LNP1: variants seen among roughly 807,000 people sequenced by gnomAD.
LNP1 encodes the protein leukemia NUP98 fusion partner 1.
LNP1 carries 12 observed loss-of-function variants against 14.5 expected under a neutral mutation model. The ratio of observed to expected loss-of-function variants is 0.83; its 90% CI spans 0.53 to 1.34. The LOEUF (loss-of-function observed/expected upper bound fraction) is 1.34, where lower values mean the gene tolerates loss of function less well. LNP1 is among the 40% of genes most tolerant of loss of function. LNP1 has a pLI of 0.00. For missense variants in LNP1, 198 were observed against 210.9 expected (o/e 0.94, Z 0.38); for synonymous variants, 75 against 71.4 (o/e 1.05, Z -0.26).
intron 1 of LNP1, among the ~76,000 whole-genome samples, chr3:100,417,458 C>A (rs148434223): frequency 7.5e-6 from 1 of 133,374 alleles, no homozygotes; most frequent in African/African-American, 2.8e-5. Flanking sequence ...CTCACTGCAA[C>A]CTCCGCCTCC....
chr3:100,407,994 T>G (rs1706987552), intron 1 of LNP1, among the ~76,000 whole-genome samples: 1 of 152,258 alleles, frequency 6.6e-6, no homozygotes, highest in Admixed American at 6.5e-5. Context: ...TTCCTAATTT[T>G]GTTGACTTGT....
chr3:100,427,879 G>A (rs1334875271), intron 1 of LNP1, among the ~76,000 whole-genome samples: 1 of 152,184 alleles, frequency 6.6e-6, no homozygotes, highest in Non-Finnish European at 1.5e-5. Context: ...AAATAAAAAT[G>A]TTAGAAGATA....
At chr3:100,413,005 TG>T (rs1310015557) in intron 1 of LNP1, among the ~76,000 whole-genome samples, 1 of 152,240 alleles carries the variant, frequency 6.6e-6, no homozygotes, top group East Asian at 1.9e-4. Flanking sequence ...ATTAACAGTC[TG>T]GTACCACCAT....
In LNP1 at chr3:100,434,624, G is replaced by A. The variant is rs560128295; in HGVS notation, c.156+4739G>A. 3.3e-5 allele frequency among the ~76,000 whole-genome samples: 5 copies of A among 151,832 alleles called. No homozygotes were observed. In the South Asian group the frequency reaches 8.3e-4, roughly 25 times the overall value. On this transcript the variant is annotated intron_variant, in intron 2 of 3. Coordinates refer to ENST00000383693, the MANE Select transcript of LNP1 (RefSeq NM_001085451.2). The stretch of plus-strand genomic sequence containing the variant: ...GCTCACTACAACCTCTGCCTCCAGG[G>A]TTCGAGGAATGCTCCTGCCTCAGCC...
chr3:100,414,921 GT>G (rs886178629), intron 1 of LNP1, among the ~76,000 whole-genome samples: 13 of 152,122 alleles, frequency 8.5e-5, no homozygotes, highest in East Asian at 7.7e-4. Context: ...AATTAGTGTG[GT>G]TTTAAGCTGC....
intron 1 of LNP1, among the ~76,000 whole-genome samples, chr3:100,409,606 A>ATTT (rs201827312): frequency 1.6e-5 from 2 of 124,436 alleles, no homozygotes; most frequent in African/African-American, 6.4e-5. Context: ...ATATATATAT[A>ATTT]TTTTTTTTTT....
At chr3:100,434,226 C>T (rs9864923) in intron 2 of LNP1, among the ~76,000 whole-genome samples, 7,126 of 152,148 alleles carry the variant, frequency 0.047, 519 homozygotes, top group East Asian at 0.31. Context: ...TTAATCCATC[C>T]TGAGTTAATT....
chr3:100,417,221 C>T (rs1707093066), intron 1 of LNP1, among the ~76,000 whole-genome samples: 1 of 152,072 alleles, frequency 6.6e-6, no homozygotes, highest in Non-Finnish European at 1.5e-5. Context: ...TTACCTCCCT[C>T]TCCCTATCTC....
intron 1 of LNP1, among the ~76,000 whole-genome samples, chr3:100,427,494 G>C (rs971441671): frequency 6.6e-6 from 1 of 152,122 alleles, no homozygotes; most frequent in Admixed American, 6.5e-5. Flanking sequence ...ACTATAGATG[G>C]CTAGGTAGCC....
At chr3:100,416,597 TTTTG>T (rs56914306) in intron 1 of LNP1, among the ~76,000 whole-genome samples, 19,233 of 110,456 alleles carry the variant, frequency 0.17, 1,595 homozygotes, top group African/African-American at 0.21. Context: ...AGTATATCTT[TTTTG>T]TGTGTGTGTG....
chr3:100,432,795 GTCA>G (rs1479452470), intron 2 of LNP1, among the ~76,000 whole-genome samples: 1 of 152,092 alleles, frequency 6.6e-6, no homozygotes, highest in East Asian at 1.9e-4. Context: ...TAGCTTTCTA[GTCA>G]TCATCTCCTT....
At chr3:100,433,834 CAT>C (rs1487929793) in intron 2 of LNP1, among the ~76,000 whole-genome samples, 3 of 152,204 alleles carry the variant, frequency 2.0e-5, no homozygotes, top group Non-Finnish European at 2.9e-5. Context: ...GAGCTTTTTT[CAT>C]ATGTTTTTTT....
intron 2 of LNP1, among the ~76,000 whole-genome samples, chr3:100,434,597 C>T (rs970847242): frequency 6.1e-5 from 9 of 148,738 alleles, no homozygotes; most frequent in Non-Finnish European, 1.0e-4. Flanking sequence ...GGTGAGATCT[C>T]GGCTCACTAC....
rs558789470 is a variant in LNP1, at chr3:100,405,508, G to A, written c.-34+3069G>A. On this transcript the variant is annotated intron_variant, in intron 1 of 3. Coordinates refer to ENST00000383693, the MANE Select transcript of LNP1 (RefSeq NM_001085451.2). ...ATGGGGGTTTGAGATCAGTGTGCCA[G>A]CATGGTCAAATTCTGTAAGAGCCCT... Among the ~76,000 whole-genome samples, 86 of 152,266 alleles carry A rather than the reference G, an allele frequency of 5.6e-4. 1 individual carries two copies. The highest frequency in any genetic ancestry group is 6.8e-3 in the Middle Eastern group (2 of 294).
chr3:100,433,977 A>T (rs1707267633), intron 2 of LNP1, among the ~76,000 whole-genome samples: 1 of 152,164 alleles, frequency 6.6e-6, no homozygotes, highest in Admixed American at 6.5e-5. Context: ...CTTTTGTTAG[A>T]TGAGTAGATT....
intron 1 of LNP1, among the ~76,000 whole-genome samples, chr3:100,414,077 G>C (rs781473737): frequency 1.3e-5 from 2 of 152,118 alleles, no homozygotes; most frequent in Admixed American, 1.3e-4. Flanking sequence ...ACTATCTGTT[G>C]CTGCTTCACG....
At chr3:100,434,821 A>G (rs995461900) in intron 2 of LNP1, among the ~76,000 whole-genome samples, 2 of 129,144 alleles carry the variant, frequency 1.5e-5, no homozygotes, top group African/African-American at 5.8e-5. Flanking sequence ...GAGCCACTGC[A>G]CCCGGCTGTC....
intron 2 of LNP1, among the ~76,000 whole-genome samples, chr3:100,433,585 A>C (rs1707263489): frequency 6.6e-6 from 1 of 152,192 alleles, no homozygotes; most frequent in Non-Finnish European, 1.5e-5. Flanking sequence ...ATACCCAGTA[A>C]TGGGATTGCT....
chr3:100,408,505 G>A (rs1213774688), intron 1 of LNP1, among the ~76,000 whole-genome samples: 2 of 152,248 alleles, frequency 1.3e-5, no homozygotes, highest in East Asian at 3.8e-4. Context: ...GAAGCTTGCA[G>A]CCACTGAGGG....
Sources: allele counts gnomAD v4.1 joint callset (sites outside exome capture counted in the v4.1 genomes callset), GRCh38; gene constraint gnomAD v4.1.1; transcripts MANE v1.5; gene names NCBI Gene and HGNC (gene_info 2026-07-23, HGNC 2026-07-21).